The following THNSL1 variants were observed in gnomAD, a reference collection of about 807,000 sequenced individuals.
THNSL1 encodes threonine synthase like 1.
In THNSL1, 48 loss-of-function variants were observed where a neutral mutation model predicts 50.4. The observed-to-expected ratio is 0.95, with a 90% CI of 0.76 to 1.21. The LOEUF is 1.21. THNSL1 is among the 50% of genes most tolerant of loss of function. THNSL1 has a pLI of 0.00. For missense variants in THNSL1, 896 were observed against 871.7 expected (o/e 1.03, Z -0.35); for synonymous variants, 309 against 306.1 (o/e 1.01, Z -0.10).
chr10:24,968,514 C>G, the THNSL1 span, among the ~76,000 whole-genome samples: 2 of 152,160 alleles, frequency 1.3e-5, no homozygotes, highest in Admixed American at 1.3e-4. Context: ...TGTCTAAGAT[C>G]CTTCCAGTGG....
chr10:24,969,398 G>T, the THNSL1 span, among the ~76,000 whole-genome samples: 1 of 152,144 alleles, frequency 6.6e-6, no homozygotes, highest in Non-Finnish European at 1.5e-5. Context: ...CAATAGGTCT[G>T]TTTTTATAAG....
chr10:24,995,661 C>T, the THNSL1 span: 6 of 1,612,414 alleles, frequency 3.7e-6, no homozygotes, highest in Non-Finnish European at 5.1e-6. Flanking sequence ...TATTGATGTA[C>T]TTTGGAACTA....
chr10:25,017,909 A>G (rs1284225400), intron 1 of THNSL1, among the ~76,000 whole-genome samples: 2 of 152,214 alleles, frequency 1.3e-5, no homozygotes, highest in East Asian at 1.9e-4. Context: ...TGATAACGCC[A>G]TTAGCCAAGT....
the THNSL1 span, among the ~76,000 whole-genome samples, chr10:24,963,893 G>A: frequency 6.6e-6 from 1 of 152,192 alleles, no homozygotes; most frequent in Non-Finnish European, 1.5e-5. Context: ...GCTGTGGACA[G>A]CTCTGTCATG....
the THNSL1 span, among the ~76,000 whole-genome samples, chr10:24,973,690 A>G: frequency 6.6e-6 from 1 of 152,170 alleles, no homozygotes; most frequent in African/African-American, 2.4e-5. Context: ...ATTCGAAGAG[A>G]GAAGGAAACA....
chr10:24,961,293 T>C, the THNSL1 span, among the ~76,000 whole-genome samples: 4 of 152,314 alleles, frequency 2.6e-5, no homozygotes, highest in Admixed American at 2.6e-4. Flanking sequence ...AAACTCCTTA[T>C]AAACATCATT....
At chr10:24,959,222 C>T in the THNSL1 span, among the ~76,000 whole-genome samples, 7 of 152,286 alleles carry the variant, frequency 4.6e-5, no homozygotes, top group Admixed American at 1.3e-4. Context: ...TGCCTGGTGT[C>T]CTGGGGAGAC....
chr10:25,022,571 C>G (rs1050239236), intron 2 of THNSL1, among the ~76,000 whole-genome samples: 1 of 152,032 alleles, frequency 6.6e-6, no homozygotes, highest in African/African-American at 2.4e-5. Context: ...AATGTCATAC[C>G]TTTGTCCTGT....
the THNSL1 span, among the ~76,000 whole-genome samples, chr10:24,998,657 G>A: frequency 1.3e-5 from 2 of 151,848 alleles, no homozygotes; most frequent in Admixed American, 1.3e-4. Context: ...TGAAGAAATT[G>A]CTTCCATACA....
At chr10:24,953,689 C>T in the THNSL1 span, among the ~76,000 whole-genome samples, 1 of 152,160 alleles carries the variant, frequency 6.6e-6, no homozygotes, top group Non-Finnish European at 1.5e-5. Context: ...GCCCTGAATC[C>T]AAGAGAACTT....
At chr10:24,958,781 C>A in the THNSL1 span, among the ~76,000 whole-genome samples, 17,564 of 152,208 alleles carry the variant, frequency 0.12, 2,613 homozygotes, top group African/African-American at 0.34. Flanking sequence ...AATGTCAGAC[C>A]TGAGGAATAT....
the THNSL1 span, among the ~76,000 whole-genome samples, chr10:24,966,889 C>G: frequency 6.6e-6 from 1 of 152,160 alleles, no homozygotes; most frequent in East Asian, 1.9e-4. Flanking sequence ...TAACGCAGAC[C>G]CTAGTAAGAA....
chr10:25,009,275 C>A, the THNSL1 span, among the ~76,000 whole-genome samples: 1 of 151,644 alleles, frequency 6.6e-6, no homozygotes, highest in Admixed American at 6.6e-5. Flanking sequence ...AGTATGCATG[C>A]AGAAATTCTA....
At chr10:24,988,996 A>G in the THNSL1 span, among the ~76,000 whole-genome samples, 3 of 151,994 alleles carry the variant, frequency 2.0e-5, no homozygotes, top group East Asian at 5.8e-4. Context: ...TCATCACATC[A>G]AAGGGTAACT....
the THNSL1 span, among the ~76,000 whole-genome samples, chr10:24,996,277 C>T: frequency 6.6e-6 from 1 of 152,060 alleles, no homozygotes; most frequent in African/African-American, 2.4e-5. Flanking sequence ...GCAAAGTTAG[C>T]CAAGCATGAT....
At chr10:25,014,905 G>A (rs1258431542), upstream of THNSL1, among the ~76,000 whole-genome samples, 1 of 151,984 alleles carries the variant, frequency 6.6e-6, no homozygotes, top group Non-Finnish European at 1.5e-5. Flanking sequence ...GATCTAAAAG[G>A]GGCCTTGGAT....
the THNSL1 span, among the ~76,000 whole-genome samples, chr10:24,992,971 G>A: frequency 6.6e-6 from 1 of 152,116 alleles, no homozygotes; most frequent in Non-Finnish European, 1.5e-5. Context: ...ATCACAGAAA[G>A]ATTAAATTAT....
At chr10:25,010,439 A>AT in the THNSL1 span, among the ~76,000 whole-genome samples, 3 of 151,478 alleles carry the variant, frequency 2.0e-5, no homozygotes, top group Non-Finnish European at 2.9e-5. Flanking sequence ...ATTGGAACTC[A>AT]TTTTTTTTAT....
the THNSL1 span, among the ~76,000 whole-genome samples, chr10:24,992,925 T>A: frequency 6.6e-6 from 1 of 152,154 alleles, no homozygotes; most frequent in African/African-American, 2.4e-5. Context: ...TACAGCTTAG[T>A]ACAATAATGG....
Sources: gnomAD v4.1 joint callset for allele counts (sites outside exome capture counted in the v4.1 genomes callset) on GRCh38, gnomAD v4.1.1 for gene constraint, MANE v1.5 for transcripts, NCBI Gene and HGNC (gene_info 2026-07-23, HGNC 2026-07-21) for gene names.